Variants in NALF1 observed in about 807,000 individuals in gnomAD.
NALF1 encodes family with sequence similarity 155 member A.
In NALF1, 3 loss-of-function variants were observed where a neutral mutation model predicts 48.4. The ratio of observed to expected loss-of-function variants is 0.06; its 90% CI spans 0.03 to 0.16. The LOEUF is 0.16. Among genes scored for constraint, NALF1 ranks in the 10% least tolerant of loss-of-function variants. The pLI, the probability that NALF1 is intolerant of heterozygous loss-of-function variation, is 1.00. For synonymous variants in NALF1, 262 were observed against 245.7 expected (o/e 1.07, Z -0.62); for missense variants, 526 against 571.5 (o/e 0.92, Z 0.81).
At chr13:107,266,901 C>T (rs578151925) in intron 1 of NALF1, among the ~76,000 whole-genome samples, 32 of 152,294 alleles carry the variant, frequency 2.1e-4, no homozygotes, top group Non-Finnish European at 3.8e-4. Context: ...GCAATGCCTT[C>T]ATTTCTGATA....
rs534508843 is a variant in NALF1, at chr13:107,574,962, T to C, written c.915+290720A>G. 3.4e-4 allele frequency among the ~76,000 whole-genome samples: 52 copies of C among 152,244 alleles called. No individual in the cohort carries two copies. The South Asian group carries it at 7.7e-3, about 22-fold the overall frequency. On this transcript the variant is annotated intron_variant, in intron 1 of 2. Coordinates refer to ENST00000375915, the MANE Select transcript of NALF1 (RefSeq NM_001080396.3). ...AATTATTCTTACAGTTGAAATATCT[T>C]GCGCATTATGACTACTATCCTCAGC...
chr13:107,774,205 T>A (rs756538397), intron 1 of NALF1, among the ~76,000 whole-genome samples: 1 of 152,222 alleles, frequency 6.6e-6, no homozygotes, highest in Non-Finnish European at 1.5e-5. Context: ...TAAATATGTG[T>A]ATTTGTATTT....
At chr13:107,662,198 C>G (rs1880749253) in intron 1 of NALF1, among the ~76,000 whole-genome samples, 2 of 152,136 alleles carry the variant, frequency 1.3e-5, no homozygotes, top group Non-Finnish European at 2.9e-5. Flanking sequence ...CCTTGGTGTC[C>G]CCTGGCCTGG....
At chr13:107,288,858 G>C (rs181274958) in intron 1 of NALF1, among the ~76,000 whole-genome samples, 1 of 152,266 alleles carries the variant, frequency 6.6e-6, no homozygotes, top group East Asian at 1.9e-4. Context: ...ATGTTGGATA[G>C]AAGCAAGCAA....
intron 1 of NALF1, among the ~76,000 whole-genome samples, chr13:107,283,913 C>T (rs897761971): frequency 3.3e-5 from 5 of 151,998 alleles, no homozygotes; most frequent in Non-Finnish European, 7.4e-5. Flanking sequence ...CCCACCTCGG[C>T]CTCCCAAAGT....
chr13:107,662,230 G>T (rs1051670319), intron 1 of NALF1, among the ~76,000 whole-genome samples: 6 of 152,146 alleles, frequency 3.9e-5, no homozygotes, highest in African/African-American at 1.2e-4. Flanking sequence ...TGGCTGGGTG[G>T]CCATGATTGT....
chr13:107,480,743 T>C (rs1213972471), intron 1 of NALF1, among the ~76,000 whole-genome samples: 3 of 152,176 alleles, frequency 2.0e-5, no homozygotes, highest in Non-Finnish European at 2.9e-5. Context: ...TAAAGAACTG[T>C]TTTATTTTTT....
At chr13:107,434,958 A>C (rs1884440565) in intron 1 of NALF1, among the ~76,000 whole-genome samples, 1 of 152,146 alleles carries the variant, frequency 6.6e-6, no homozygotes, top group Non-Finnish European at 1.5e-5. Context: ...CGATCTTCTC[A>C]ACTTCATTGG....
chr13:107,705,561 C>G lies in NALF1; in HGVS notation c.915+160121G>C, dbSNP rs181249107. On this transcript the variant is annotated intron_variant, in intron 1 of 2. Coordinates refer to ENST00000375915, the MANE Select transcript of NALF1 (RefSeq NM_001080396.3). Reference sequence around the variant, plus strand: ...TAGTCCAAGTTTTACCATGCTTACACAGTGATGCATAAATAGAAAACAATA... The same window carrying G: ...TAGTCCAAGTTTTACCATGCTTACAGAGTGATGCATAAATAGAAAACAATA... Among the ~76,000 whole-genome samples the G allele has an allele frequency of 5.1e-3, 777 of 152,066 alleles. 5 individuals carry two copies. Among genetic ancestry groups the G allele is most frequent in the Non-Finnish European group, 7.5e-3 (512 of 68,002 alleles).
rs1882227287 is a variant in NALF1, at chr13:107,320,202, C to T, written c.916-109447G>A. 3.3e-5 allele frequency among the ~76,000 whole-genome samples: 5 copies of T among 151,954 alleles called. No homozygotes were observed. The South Asian group carries it at 1.0e-3, about 32-fold the overall frequency. On this transcript the variant is annotated intron_variant, in intron 1 of 2. Transcript: ENST00000375915. Reference sequence around the variant, plus strand: ...TAAAAAATAAACAGACATTGACTGGCAGTAAGAAAATATGGCCATTTTCAT... The same window carrying T: ...TAAAAAATAAACAGACATTGACTGGTAGTAAGAAAATATGGCCATTTTCAT...
chr13:107,475,251 A>G (rs1478582712), intron 1 of NALF1, among the ~76,000 whole-genome samples: 1 of 152,210 alleles, frequency 6.6e-6, no homozygotes, highest in Non-Finnish European at 1.5e-5. Context: ...TTCTGCGTAT[A>G]GCATTTTGTG....
At position 107,410,773 on chromosome 13, in the gene NALF1, G is replaced by A. The variant is rs115305967; in HGVS notation, c.916-200018C>T. Reference sequence around the variant, plus strand: ...TCTCATTTAAAATTATAAACGTTGGGGGCCATAAAAGACAAGGACAATAAT... The same window carrying A: ...TCTCATTTAAAATTATAAACGTTGGAGGCCATAAAAGACAAGGACAATAAT... On this transcript the variant is annotated intron_variant, in intron 1 of 2. Coordinates refer to ENST00000375915, the MANE Select transcript of NALF1 (RefSeq NM_001080396.3). Among the ~76,000 whole-genome samples, 289 of 152,042 alleles carry A rather than the reference G, an allele frequency of 1.9e-3. 2 individuals are homozygous for A. The highest frequency in any genetic ancestry group is 6.8e-3 in the African/African-American group (283 of 41,462).
chr13:107,434,348 C>T (rs1884429917), intron 1 of NALF1, among the ~76,000 whole-genome samples: 1 of 152,096 alleles, frequency 6.6e-6, no homozygotes, highest in Non-Finnish European at 1.5e-5. Flanking sequence ...ACTTATTTCT[C>T]AGTAAGTGAA....
chr13:107,694,738 GATTT>G (rs901231665), intron 1 of NALF1, among the ~76,000 whole-genome samples: 5 of 151,254 alleles, frequency 3.3e-5, no homozygotes, highest in East Asian at 1.9e-4. Flanking sequence ...TTAGAAAACA[GATTT>G]ATTTTCCCTC....
intron 2 of NALF1, among the ~76,000 whole-genome samples, chr13:107,202,189 T>C (rs753607094): frequency 1.3e-5 from 2 of 152,092 alleles, no homozygotes; most frequent in Non-Finnish European, 2.9e-5. Flanking sequence ...CTTTTTTTAA[T>C]TTGGAATTAA....
chr13:107,680,864 A>G (rs1325744727), intron 1 of NALF1, among the ~76,000 whole-genome samples: 1 of 123,932 alleles, frequency 8.1e-6, no homozygotes, highest in Non-Finnish European at 1.8e-5. Context: ...GTGAGTGTGC[A>G]AATGTAAGGG....
At chr13:107,834,693 G>A (rs1479413002) in intron 1 of NALF1, among the ~76,000 whole-genome samples, 2 of 152,120 alleles carry the variant, frequency 1.3e-5, no homozygotes, top group African/African-American at 4.8e-5. Context: ...TCCCTGTTTA[G>A]ATGATAAAGA....
In NALF1 at chr13:107,164,757, A is replaced by G. The variant is rs150582398; in HGVS notation, c.*5740T>C. On this transcript the variant is annotated 3_prime_UTR_variant, in exon 3 of 3. Transcript: ENST00000375915. ...TTCAAACTGTATTGAAAATCTATTG[A>G]TGGTCAGTCTGCTAGCTTAAGGATG... 1 of 152,094 alleles carries G rather than the reference A, an allele frequency of 6.6e-6. No homozygotes were observed. The allele number at this position is 152,094 out of a possible 1,614,324, so 9.4% of individuals were successfully genotyped here. A position where few individuals can be genotyped will look rare whatever the true frequency, so the allele number is the denominator to read the frequency against.
intron 1 of NALF1, among the ~76,000 whole-genome samples, chr13:107,670,346 G>C (rs930509487): frequency 6.6e-6 from 1 of 151,952 alleles, no homozygotes; most frequent in African/African-American, 2.4e-5. Context: ...ACTTAGGAAG[G>C]GTCGTAGTAT....
Sources: allele counts gnomAD v4.1 joint callset (sites outside exome capture counted in the v4.1 genomes callset), GRCh38; gene constraint gnomAD v4.1.1; transcripts MANE v1.5; gene names NCBI Gene and HGNC (gene_info 2026-07-23, HGNC 2026-07-21).